Variants in GLIS3 observed in about 807,000 individuals in gnomAD.
GLIS3 encodes GLIS family zinc finger 3.
GLIS3 carries 53 observed loss-of-function variants against 78.6 expected under a neutral mutation model. That is an observed-to-expected ratio of 0.67 (90% CI 0.54 to 0.85). GLIS3 has a LOEUF of 0.85. GLIS3 is among the 40% of genes least tolerant of loss of function. The pLI is 0.00. For missense variants in GLIS3, 1,703 were observed against 1,231.1 expected, an observed-to-expected ratio of 1.38 and a Z score of -5.74; for synonymous variants, 684 against 509.9, an observed-to-expected ratio of 1.34 and a Z score of -4.60.
At chr9:4,342,330 C>G (rs1464718169) in intron 2 of GLIS3, among the ~76,000 whole-genome samples, 3 of 152,174 alleles carry the variant, frequency 2.0e-5, no homozygotes, top group Non-Finnish European at 4.4e-5. Flanking sequence ...TATCCCAGCA[C>G]CATTTATGGC....
At chr9:4,449,754 T>G in the GLIS3 span, among the ~76,000 whole-genome samples, 1 of 152,270 alleles carries the variant, frequency 6.6e-6, no homozygotes, top group Non-Finnish European at 1.5e-5. Flanking sequence ...CTGAGGGACC[T>G]GACTCTTAGA....
At chr9:4,083,544 T>C (rs1300720515) in intron 4 of GLIS3, among the ~76,000 whole-genome samples, 4 of 152,212 alleles carry the variant, frequency 2.6e-5, no homozygotes, top group Non-Finnish European at 4.4e-5. Context: ...AATTGAAACA[T>C]TAATTTACTT....
intron 4 of GLIS3, among the ~76,000 whole-genome samples, chr9:4,007,991 A>G (rs1821697582): frequency 6.6e-6 from 1 of 151,768 alleles, no homozygotes; most frequent in African/African-American, 2.4e-5. Context: ...TTCTCTGTGT[A>G]CACCAGGGTT....
At chr9:3,878,058 G>A (rs940330862) in intron 8 of GLIS3, among the ~76,000 whole-genome samples, 2 of 151,976 alleles carry the variant, frequency 1.3e-5, no homozygotes, top group Admixed American at 6.5e-5. Context: ...TACTGAGACC[G>A]TCCCTGACGG....
intron 2 of GLIS3, among the ~76,000 whole-genome samples, chr9:4,256,841 C>G (rs955298593): frequency 1.3e-5 from 2 of 152,104 alleles, no homozygotes; most frequent in African/African-American, 4.8e-5. Context: ...AATATCTCAT[C>G]TGAATATACA....
In GLIS3 at chr9:4,032,942, C is replaced by T. The variant is rs536797026; in HGVS notation, c.1710+84826G>A. ...AATCTCGGCTCACTGCAAGCTCCGCCTCCCGGGTTCACACCATTCTGCTGC... is the reference window on the plus strand; with the variant it reads ...AATCTCGGCTCACTGCAAGCTCCGCTTCCCGGGTTCACACCATTCTGCTGC... On this transcript the variant is annotated intron_variant, in intron 4 of 10. Coordinates refer to ENST00000381971, the MANE Select transcript of GLIS3 (RefSeq NM_001042413.2). 2.0e-5 allele frequency among the ~76,000 whole-genome samples: 3 copies of T among 152,160 alleles called. 1 individual carries two copies. In the South Asian group the frequency reaches 6.2e-4, roughly 32 times the overall value.
At chr9:4,161,675 C>CTTTTTT (rs55904647) in intron 2 of GLIS3, among the ~76,000 whole-genome samples, 4 of 114,210 alleles carry the variant, frequency 3.5e-5, no homozygotes, top group African/African-American at 1.0e-4. Context: ...TGCTAGAAGT[C>CTTTTTT]TTTTTTTTTT....
chr9:4,047,290 C>T (rs897143945), intron 4 of GLIS3, among the ~76,000 whole-genome samples: 6 of 152,126 alleles, frequency 3.9e-5, no homozygotes, highest in Non-Finnish European at 8.8e-5. Flanking sequence ...CCCAGTCATG[C>T]AGAACGTGAG....
At chr9:3,870,636 A>G (rs1036822764) in intron 8 of GLIS3, among the ~76,000 whole-genome samples, 4 of 152,204 alleles carry the variant, frequency 2.6e-5, no homozygotes, top group Non-Finnish European at 5.9e-5. Context: ...TGATAAAACC[A>G]TCAGGTCTCG....
chr9:4,074,028 A>G (rs1351564507), intron 4 of GLIS3, among the ~76,000 whole-genome samples: 4 of 152,288 alleles, frequency 2.6e-5, no homozygotes, highest in Admixed American at 6.5e-5. Context: ...TTAAATTTGT[A>G]CAAGACATGC....
chr9:4,106,074 T>A (rs532905496), intron 4 of GLIS3, among the ~76,000 whole-genome samples: 1 of 152,296 alleles, frequency 6.6e-6, no homozygotes, highest in South Asian at 2.1e-4. Context: ...TGTCCCATTG[T>A]CACACCTTTA....
the GLIS3 span, among the ~76,000 whole-genome samples, chr9:4,466,062 T>C: frequency 6.6e-6 from 1 of 152,246 alleles, no homozygotes; most frequent in Admixed American, 6.5e-5. Context: ...ACTTCTACCA[T>C]ACTGATTCAG....
At chr9:4,488,041 T>C in the GLIS3 span, among the ~76,000 whole-genome samples, 1 of 152,164 alleles carries the variant, frequency 6.6e-6, no homozygotes, top group Non-Finnish European at 1.5e-5. Flanking sequence ...AAGATGACCA[T>C]TGTTAAAATT....
At chr9:3,981,937 A>G (rs1183965302) in intron 4 of GLIS3, among the ~76,000 whole-genome samples, 5 of 152,142 alleles carry the variant, frequency 3.3e-5, no homozygotes, top group Admixed American at 3.3e-4. Flanking sequence ...GCTCCAGTGT[A>G]TCTGCCACAG....
At chr9:4,241,073 C>G (rs1294847655) in intron 2 of GLIS3, among the ~76,000 whole-genome samples, 1 of 152,150 alleles carries the variant, frequency 6.6e-6, no homozygotes, top group Non-Finnish European at 1.5e-5. Flanking sequence ...AAACATCTCT[C>G]CCCAACTGGA....
chr9:4,088,984 G>T (rs1053173887), intron 4 of GLIS3, among the ~76,000 whole-genome samples: 2 of 152,198 alleles, frequency 1.3e-5, no homozygotes, highest in African/African-American at 4.8e-5. Flanking sequence ...ACTTAATTTT[G>T]ACAGAAACAT....
intron 6 of GLIS3, among the ~76,000 whole-genome samples, chr9:3,915,168 T>C (rs148068482): frequency 3.3e-5 from 5 of 152,328 alleles, no homozygotes; most frequent in African/African-American, 9.6e-5. Context: ...ATAGCCTGTA[T>C]AGACTCTGCC....
At chr9:4,437,321 A>C in the GLIS3 span, among the ~76,000 whole-genome samples, 1 of 152,210 alleles carries the variant, frequency 6.6e-6, no homozygotes, top group Non-Finnish European at 1.5e-5. Context: ...AGCTTTAACC[A>C]TCAAAATATT....
rs145767049 is a variant in GLIS3 at position 4,275,824 on chromosome 9, C to T, written c.388+10214G>A. Among the ~76,000 whole-genome samples, 355 of 152,206 alleles carry T rather than the reference C, an allele frequency of 2.3e-3. 1 individual carries two copies. The highest frequency in any genetic ancestry group is 8.3e-3 in the African/African-American group (345 of 41,534). On this transcript the variant is annotated intron_variant, in intron 2 of 10. Coordinates refer to ENST00000381971, the MANE Select transcript of GLIS3 (RefSeq NM_001042413.2). ...AATATTTTTAAAAAGAATGAGATCA[C>T]CAGCAAACTGAGCCTTGATGTCTTC... is the stretch of plus-strand genomic sequence containing the variant.
Sources: gnomAD v4.1 joint callset for allele counts (sites outside exome capture counted in the v4.1 genomes callset) on GRCh38, gnomAD v4.1.1 for gene constraint, MANE v1.5 for transcripts, NCBI Gene and HGNC (gene_info 2026-07-23, HGNC 2026-07-21) for gene names.